WDR64: variants seen among roughly 807,000 people sequenced by gnomAD.
The protein encoded by WDR64 is WD repeat-containing protein 64.
WDR64 carries 112 observed loss-of-function variants against 139.3 expected under a neutral mutation model. The observed-to-expected ratio is 0.80, with a 90% confidence interval of 0.69 to 0.94. The LOEUF is 0.94. WDR64 is among the 40% of genes least tolerant of loss of function. The pLI is 0.00. For synonymous variants in WDR64, 444 were observed against 437.7 expected, an observed-to-expected ratio of 1.01 and a Z score of -0.18; for missense variants, 1,206 against 1,293.1, an observed-to-expected ratio of 0.93 and a Z score of 1.03.
At chr1:241,746,203 T>C (rs375482018) in intron 13 of WDR64, among the ~76,000 whole-genome samples, 1 of 151,660 alleles carries the variant, frequency 6.6e-6, no homozygotes, top group Non-Finnish European at 1.5e-5. Flanking sequence ...GGAAGGAAAA[T>C]AGTGCAGTGA....
chr1:241,656,576 C>G lies in WDR64; in HGVS notation c.145+3947C>G, dbSNP rs76260396. Among the ~76,000 whole-genome samples, 3,750 of 152,286 alleles carry G rather than the reference C, an allele frequency of 0.025. 55 individuals are homozygous for G. Among genetic ancestry groups the G allele is most frequent in the Middle Eastern group, 0.041 (12 of 294 alleles). Reference sequence around the variant, plus strand: ...AAATAGAGTGCTTTATTTTCCCCAACAATCTTCTTCCCATTGCCTTGCTTT... The same window carrying G: ...AAATAGAGTGCTTTATTTTCCCCAAGAATCTTCTTCCCATTGCCTTGCTTT... On this transcript the variant is annotated intron_variant, in intron 1 of 27. Transcript: ENST00000437684. This position sits in a 1 kb window ranked among gnomAD's most constrained non-coding sequence, Gnocchi z 4.3.
intron 3 of WDR64, among the ~76,000 whole-genome samples, chr1:241,673,103 C>T (rs1388092001): frequency 2.6e-5 from 4 of 151,078 alleles, no homozygotes; most frequent in Admixed American, 6.6e-5. Flanking sequence ...AACCAAACAC[C>T]GCATGTTCTC....
At chr1:241,780,449 G>T (rs1456132347) in intron 22 of WDR64, among the ~76,000 whole-genome samples, 1 of 152,054 alleles carries the variant, frequency 6.6e-6, no homozygotes, top group East Asian at 1.9e-4. Context: ...AACCATTTAA[G>T]AATTTTTTTC....
At chr1:241,768,027 T>C (rs1245368229) in intron 16 of WDR64, among the ~76,000 whole-genome samples, 1 of 152,198 alleles carries the variant, frequency 6.6e-6, no homozygotes, top group Non-Finnish European at 1.5e-5. Context: ...GACTCTTTCC[T>C]AAGAAGGGAA....
rs1334846891 is a variant in WDR64 at position 241,652,555 on chromosome 1, G to A, written c.71G>A (p.Arg24Lys). ...QMSNFKKALN[R>K]FEKLVEQTAA... ...AGCAATTTCAAAAAGGCTTTGAACA[G>A]GTTTGAAAAATTGGTTGAACAAACA... Residue 24 changes from arginine (R) to lysine (K), a missense_variant, in exon 1 of 28, where the codon AGG becomes AAG. Transcript: ENST00000437684. 6.4e-7 allele frequency: 1 copy of A among 1,552,018 alleles called. No individual in the cohort carries two copies. The highest frequency in any genetic ancestry group is 1.4e-5 in the African/African-American group (1 of 73,058).
intron 21 of WDR64, among the ~76,000 whole-genome samples, chr1:241,776,183 ATTC>A (rs1658650592): frequency 6.6e-6 from 1 of 151,950 alleles, no homozygotes; most frequent in Admixed American, 6.6e-5. Context: ...GGTTCAAGCA[ATTC>A]TTCTGCCTCA....
intron 10 of WDR64, among the ~76,000 whole-genome samples, chr1:241,730,154 C>G (rs1413233159): frequency 2.0e-5 from 3 of 152,314 alleles, no homozygotes; most frequent in East Asian, 3.9e-4. Flanking sequence ...ATTCAGTTCT[C>G]AACTTGCAAT....
chr1:241,717,905 G>A (rs76095030), intron 9 of WDR64, among the ~76,000 whole-genome samples: 2,471 of 152,068 alleles, frequency 0.016, 72 homozygotes, highest in African/African-American at 0.057. Flanking sequence ...GTTAGTTTAC[G>A]GTCCAGAAAC....
intron 8 of WDR64, among the ~76,000 whole-genome samples, chr1:241,690,720 T>C (rs1269707103): frequency 6.6e-6 from 1 of 152,112 alleles, no homozygotes; most frequent in Non-Finnish European, 1.5e-5. Context: ...TCAGTATACC[T>C]GCTTTTCAAG....
chr1:241,771,947 T>TAC (rs1389121397), intron 19 of WDR64, among the ~76,000 whole-genome samples: 2,452 of 27,670 alleles, frequency 0.089, 11 homozygotes, highest in Non-Finnish European at 0.11. Context: ...CATACATACA[T>TAC]ATATATATAT....
chr1:241,661,528 G>A (rs942944505), intron 2 of WDR64, among the ~76,000 whole-genome samples: 12 of 152,006 alleles, frequency 7.9e-5, no homozygotes, highest in African/African-American at 2.9e-4. Context: ...TATAATGTAG[G>A]AAAAGCTGAA....
At chr1:241,685,581 T>A (rs1013556222) in intron 7 of WDR64, among the ~76,000 whole-genome samples, 9 of 152,158 alleles carry the variant, frequency 5.9e-5, no homozygotes, top group African/African-American at 1.9e-4. Context: ...TTTTTCCTTA[T>A]AAAGACATTA....
At chr1:241,702,327 CACTTT>C (rs1432640419) in intron 8 of WDR64, among the ~76,000 whole-genome samples, 1 of 152,138 alleles carries the variant, frequency 6.6e-6, no homozygotes, top group Non-Finnish European at 1.5e-5. Flanking sequence ...GACCATTGAA[CACTTT>C]ACCATTAGTT....
At chr1:241,750,933 C>T (rs6429303) in intron 14 of WDR64, among the ~76,000 whole-genome samples, 55,497 of 151,866 alleles carry the variant, frequency 0.37, 11,439 homozygotes, top group Middle Eastern at 0.57. Flanking sequence ...AATGTTGGAG[C>T]GGGCAGCTTT....
chr1:241,733,694 G>A (rs2148224509), intron 10 of WDR64, among the ~76,000 whole-genome samples: 1 of 151,244 alleles, frequency 6.6e-6, no homozygotes, highest in East Asian at 1.9e-4. Context: ...ACTTATGAAT[G>A]TTCCATTCTG....
chr1:241,763,394 C>A (rs1658009111), intron 15 of WDR64, among the ~76,000 whole-genome samples: 2 of 152,112 alleles, frequency 1.3e-5, no homozygotes, highest in Non-Finnish European at 2.9e-5. Flanking sequence ...TTGCAACAGA[C>A]TTTAAAATTA....
rs543359163 is a variant in WDR64 at position 241,757,016 on chromosome 1, C to A, written c.1771-267C>A. On this transcript the variant is annotated intron_variant, in intron 14 of 27. Coordinates refer to ENST00000437684, the MANE Select transcript of WDR64 (RefSeq NM_001367482.1). ...CATAAAATGGCTTAAAGTCTGAAAG[C>A]ACTATCATATATATATGTAGAAAGT... Among the ~76,000 whole-genome samples, 9 of 148,376 alleles carry A rather than the reference C, an allele frequency of 6.1e-5. No individual in the cohort carries two copies. In the East Asian group the frequency reaches 1.3e-3, roughly 22 times the overall value.
At chr1:241,675,127 C>CCTT in intron 4 of WDR64, among the ~76,000 whole-genome samples, 2 of 57,498 alleles carry the variant, frequency 3.5e-5, no homozygotes, top group African/African-American at 8.3e-5. Flanking sequence ...CTCCCTCCTT[C>CCTT]CCTCCTTCCC....
chr1:241,759,236 G>C (rs552790654), intron 15 of WDR64, among the ~76,000 whole-genome samples: 1 of 151,958 alleles, frequency 6.6e-6, no homozygotes, highest in South Asian at 2.1e-4. Flanking sequence ...AGTTCTTTTT[G>C]TCCTTAGGGT....
Sources: gnomAD v4.1 joint callset for allele counts (sites outside exome capture counted in the v4.1 genomes callset) on GRCh38, gnomAD v4.1.1 for gene constraint, Gnocchi (gnomAD v3.1) non-coding constraint, MANE v1.5 for transcripts, NCBI Gene and HGNC (gene_info 2026-07-23, HGNC 2026-07-21) for gene names.